The following HOMER2 variants were observed in gnomAD, a reference collection of about 807,000 sequenced individuals.
HOMER2 encodes the protein homer protein homolog 2.
A neutral mutation model predicts 47.0 loss-of-function variants in HOMER2; 27 were observed. The observed-to-expected ratio is 0.57, with a 90% CI of 0.42 to 0.79. The LOEUF (loss-of-function observed/expected upper bound fraction) is 0.79, where lower values mean the gene tolerates loss of function less well. Among genes scored for constraint, HOMER2 ranks in the 30% least tolerant of loss-of-function variants. The pLI is 0.00. For synonymous variants in HOMER2, 161 were observed against 163.8 expected, an observed-to-expected ratio of 0.98 and a Z score of 0.13; for missense variants, 443 against 435.0, an observed-to-expected ratio of 1.02 and a Z score of -0.16.
chr15:82,926,341 C>G (rs1181366752), intron 1 of HOMER2: 2 of 150,452 alleles, frequency 1.3e-5, no homozygotes. Flanking sequence ...CTCTCTCAGG[C>G]CTCTTTTATA....
At chr15:82,893,677 C>T (rs1596328839) in intron 1 of HOMER2, among the ~76,000 whole-genome samples, 1 of 148,878 alleles carries the variant, frequency 6.7e-6, no homozygotes, top group Admixed American at 6.7e-5. Context: ...CAGGCTGGAG[C>T]GTAGTGATGC....
chr15:82,907,662 A>C (rs1389714120), intron 1 of HOMER2, among the ~76,000 whole-genome samples: 1 of 152,230 alleles, frequency 6.6e-6, no homozygotes, highest in African/African-American at 2.4e-5. Flanking sequence ...TATTGATCCA[A>C]GAAGAGTAGA....
intron 1 of HOMER2, among the ~76,000 whole-genome samples, chr15:82,928,382 G>A (rs1407918844): frequency 6.6e-6 from 1 of 152,124 alleles, no homozygotes; most frequent in Non-Finnish European, 1.5e-5. Flanking sequence ...GGATGTAGGG[G>A]GAAATGGACT....
At chr15:82,923,226 C>T (rs2053776180) in intron 1 of HOMER2, among the ~76,000 whole-genome samples, 1 of 152,096 alleles carries the variant, frequency 6.6e-6, no homozygotes, top group African/African-American at 2.4e-5. Flanking sequence ...TGGCTCACAC[C>T]TATAATCCCA....
At chr15:82,909,254 G>C (rs1358069505) in intron 1 of HOMER2, among the ~76,000 whole-genome samples, 1 of 152,202 alleles carries the variant, frequency 6.6e-6, no homozygotes, top group Non-Finnish European at 1.5e-5. Context: ...TTCTCAGCAA[G>C]GCAATTTACT....
chr15:82,918,004 T>C (rs2053633336), intron 1 of HOMER2, among the ~76,000 whole-genome samples: 1 of 152,130 alleles, frequency 6.6e-6, no homozygotes, highest in Admixed American at 6.5e-5. Flanking sequence ...GCTCCTCAGC[T>C]GGACCATCTA....
chr15:82,943,582 T>C (rs541013641), intron 1 of HOMER2, among the ~76,000 whole-genome samples: 1 of 152,366 alleles, frequency 6.6e-6, no homozygotes, highest in East Asian at 1.9e-4. Context: ...TCCATTTATC[T>C]AAAAACTCCA....
At chr15:82,892,386 T>G (rs2151098197) in intron 2 of HOMER2, among the ~76,000 whole-genome samples, 1 of 152,292 alleles carries the variant, frequency 6.6e-6, no homozygotes, top group South Asian at 2.1e-4. Context: ...AAGATGCTCA[T>G]TATTTATAAT....
At chr15:82,946,068 T>C (rs1483216830) in intron 1 of HOMER2, among the ~76,000 whole-genome samples, 2 of 151,876 alleles carry the variant, frequency 1.3e-5, no homozygotes, top group Admixed American at 6.6e-5. Context: ...ATGGATGAAG[T>C]CTGATAAATC....
At chr15:82,898,616 A>T (rs2151116716) in intron 1 of HOMER2, among the ~76,000 whole-genome samples, 1 of 152,332 alleles carries the variant, frequency 6.6e-6, no homozygotes. Context: ...ACCTGACAGT[A>T]ATTGTTCCCA....
chr15:82,899,339 G>A (rs1407553026), intron 1 of HOMER2, among the ~76,000 whole-genome samples: 2 of 152,146 alleles, frequency 1.3e-5, no homozygotes, highest in African/African-American at 4.8e-5. Context: ...GCCCTTGACT[G>A]GTCACCCATC....
intron 1 of HOMER2, among the ~76,000 whole-genome samples, chr15:82,963,279 G>A (rs2054646916): frequency 1.3e-5 from 2 of 151,680 alleles, no homozygotes; most frequent in Non-Finnish European, 1.5e-5. Context: ...TTGTAGATAT[G>A]GGATCTCCCT....
intron 1 of HOMER2, among the ~76,000 whole-genome samples, chr15:82,896,413 C>T (rs1181087093): frequency 6.6e-6 from 1 of 152,218 alleles, no homozygotes; most frequent in African/African-American, 2.4e-5. Flanking sequence ...AGGGTTCCAT[C>T]TCCAAATCTG....
At chr15:82,972,256 T>C (rs2030018183) in intron 1 of HOMER2, among the ~76,000 whole-genome samples, 1 of 152,220 alleles carries the variant, frequency 6.6e-6, no homozygotes, top group African/African-American at 2.4e-5. Flanking sequence ...TCAGAGCTTC[T>C]TTTTTGAAGA....
At chr15:82,852,317 C>T (rs1453952800) in intron 6 of HOMER2, 65 bp from the exon 7 acceptor site, 1 of 1,082,804 alleles carries the variant, frequency 9.2e-7, no homozygotes, top group Non-Finnish European at 1.4e-6. Flanking sequence ...AGCAAGAGAT[C>T]ACCACAGCTA....
At chr15:82,955,312 A>G (rs899994894), upstream of HOMER2, among the ~76,000 whole-genome samples, 1 of 151,820 alleles carries the variant, frequency 6.6e-6, no homozygotes, top group East Asian at 1.9e-4. Flanking sequence ...TGGGGCTACA[A>G]GCGCATGCCA....
intron 1 of HOMER2, among the ~76,000 whole-genome samples, chr15:82,930,495 G>A (rs1437885383): frequency 6.6e-6 from 1 of 152,202 alleles, no homozygotes; most frequent in Non-Finnish European, 1.5e-5. Flanking sequence ...TGAAGGGAGG[G>A]TCTTCTGCCT....
At chr15:82,864,501 AAACT>A (rs893835814) in intron 3 of HOMER2, among the ~76,000 whole-genome samples, 73 of 152,260 alleles carry the variant, frequency 4.8e-4, no homozygotes, top group African/African-American at 1.6e-3. Context: ...TATTAAAAAC[AAACT>A]AATACAAAAA....
chr15:82,860,883 G>A (rs553919054), intron 4 of HOMER2, among the ~76,000 whole-genome samples: 1 of 151,206 alleles, frequency 6.6e-6, no homozygotes, highest in South Asian at 2.1e-4. Context: ...GTTGCAGTGA[G>A]CCGAGATCAC....
Sources: gnomAD v4.1 joint callset for allele counts (sites outside exome capture counted in the v4.1 genomes callset) on GRCh38, gnomAD v4.1.1 for gene constraint, MANE v1.5 for transcripts, NCBI Gene and HGNC (gene_info 2026-07-23, HGNC 2026-07-21) for gene names.